The following PPP2R2A variants were observed in gnomAD, a reference collection of about 807,000 sequenced individuals.
The protein encoded by PPP2R2A is serine/threonine-protein phosphatase 2A 55 kDa regulatory subunit B alpha isoform.
In PPP2R2A, 9 loss-of-function variants were observed where a neutral mutation model predicts 53.2. The observed-to-expected ratio is 0.17, with a 90% CI of 0.10 to 0.30. The LOEUF (loss-of-function observed/expected upper bound fraction) is 0.30, where lower values mean the gene tolerates loss of function less well. PPP2R2A is among the 10% of genes least tolerant of loss of function. The pLI is 1.00. For synonymous variants in PPP2R2A, 169 were observed against 174.2 expected, an observed-to-expected ratio of 0.97 and a Z score of 0.23; for missense variants, 235 against 534.6, an observed-to-expected ratio of 0.44 and a Z score of 5.53.
intron 2 of PPP2R2A, among the ~76,000 whole-genome samples, chr8:26,336,358 G>C (rs542930731): frequency 6.6e-6 from 1 of 152,122 alleles, no homozygotes; most frequent in African/African-American, 2.4e-5. Flanking sequence ...GAACCCGGGA[G>C]GTCAAGGCTG....
In PPP2R2A at chr8:26,360,366, T is replaced by C; in HGVS notation, c.459+85T>C. Reference sequence around the variant, plus strand: ...ATCCTGAGCAGAGCTTGAATAGGAATAATTACAGTCTATCTCCCCTTTCCC... The same window carrying C: ...ATCCTGAGCAGAGCTTGAATAGGAACAATTACAGTCTATCTCCCCTTTCCC... On this transcript the variant is annotated intron_variant, in intron 5 of 9. Coordinates refer to ENST00000380737, the MANE Select transcript of PPP2R2A (RefSeq NM_002717.4). This position sits in a 1 kb window ranked among gnomAD's most constrained non-coding sequence, Gnocchi z 4.5. 1 of 725,864 alleles carries C rather than the reference T, an allele frequency of 1.4e-6. No homozygotes were observed. The highest frequency in any genetic ancestry group is 2.3e-6 in the Non-Finnish European group (1 of 437,340). 45.0% of individuals were successfully genotyped at this position (725,864 alleles called of 1,614,324 possible). A position where few individuals can be genotyped will look rare whatever the true frequency, so the allele number is the denominator to read the frequency against.
At chr8:26,324,121 G>A (rs1802974349) in intron 2 of PPP2R2A, among the ~76,000 whole-genome samples, 1 of 152,080 alleles carries the variant, frequency 6.6e-6, no homozygotes. Flanking sequence ...TTCTCATTAG[G>A]CCTGGCATTC....
intron 2 of PPP2R2A, 197 bp downstream of exon 2, chr8:26,293,937 AT>A (rs1169366219): frequency 1.8e-6 from 1 of 569,568 alleles, no homozygotes; most frequent in Non-Finnish European, 3.1e-6. Flanking sequence ...TGTTTTTATT[AT>A]TTTTTCCTCT....
chr8:26,358,689 T>C (rs572901504), intron 4 of PPP2R2A, among the ~76,000 whole-genome samples: 2 of 152,210 alleles, frequency 1.3e-5, no homozygotes, highest in Non-Finnish European at 2.9e-5. Context: ...TTACACCATT[T>C]TGCTTATGAA....
intron 3 of PPP2R2A, among the ~76,000 whole-genome samples, chr8:26,346,517 T>G (rs780342809): frequency 6.6e-6 from 1 of 152,236 alleles, no homozygotes; most frequent in Non-Finnish European, 1.5e-5. Flanking sequence ...CAGAGTTGTG[T>G]CTAGACTTCA....
intron 2 of PPP2R2A, among the ~76,000 whole-genome samples, chr8:26,312,584 C>G (rs973183509): frequency 6.6e-6 from 1 of 152,138 alleles, no homozygotes; most frequent in African/African-American, 2.4e-5. Context: ...AATAAAATAC[C>G]TCTTTGGGAG....
At chr8:26,346,680 A>C in intron 3 of PPP2R2A, among the ~76,000 whole-genome samples, 1 of 152,222 alleles carries the variant, frequency 6.6e-6, no homozygotes, top group East Asian at 1.9e-4. Context: ...ATAGCCTTTC[A>C]GAGTAAATAC....
At chr8:26,317,887 T>A (rs1450601846) in intron 2 of PPP2R2A, among the ~76,000 whole-genome samples, 1 of 152,346 alleles carries the variant, frequency 6.6e-6, no homozygotes, top group South Asian at 2.1e-4. Context: ...ATTGCTCTTG[T>A]GTGCACGGTC....
chr8:26,354,993 T>C lies in PPP2R2A; in HGVS notation c.346+360T>C, dbSNP rs1448751274. Among the ~76,000 whole-genome samples, 1 of 152,184 alleles carries C rather than the reference T, an allele frequency of 6.6e-6. No homozygotes were observed. The highest frequency in any genetic ancestry group is 1.5e-5 in the Non-Finnish European group (1 of 68,026). On this transcript the variant is annotated intron_variant, in intron 4 of 9. Coordinates refer to ENST00000380737, the MANE Select transcript of PPP2R2A (RefSeq NM_002717.4). The surrounding 1 kb of genome is among the most constrained non-coding windows in gnomAD (Gnocchi z 4.6). Reference sequence around the variant, plus strand: ...CAAACTAGAGATAGCAATTTTTTATTATAGTATTATTATGAATATTAAATA... The same window carrying C: ...CAAACTAGAGATAGCAATTTTTTATCATAGTATTATTATGAATATTAAATA...
At chr8:26,294,915 G>C (rs1483883247) in intron 2 of PPP2R2A, among the ~76,000 whole-genome samples, 1 of 152,140 alleles carries the variant, frequency 6.6e-6, no homozygotes, top group Non-Finnish European at 1.5e-5. Context: ...TGAGAAACCA[G>C]AAACAAAAGA....
intron 3 of PPP2R2A, among the ~76,000 whole-genome samples, chr8:26,343,375 ATTT>A (rs1301786557): frequency 7.1e-6 from 1 of 141,416 alleles, no homozygotes. Context: ...GACTTCTCAG[ATTT>A]TTTTTTTTTT....
intron 2 of PPP2R2A, among the ~76,000 whole-genome samples, chr8:26,305,736 C>T (rs1345830841): frequency 6.6e-6 from 1 of 152,110 alleles, no homozygotes; most frequent in South Asian, 2.1e-4. Flanking sequence ...TTCTCTAATG[C>T]CATGTAAAAA....
intron 9 of PPP2R2A, among the ~76,000 whole-genome samples, chr8:26,369,557 A>AT (rs910701731): frequency 3.3e-5 from 5 of 151,880 alleles, no homozygotes; most frequent in East Asian, 1.9e-4. Context: ...CGCCAGGCTA[A>AT]TTTTTTTTGT....
intron 2 of PPP2R2A, among the ~76,000 whole-genome samples, chr8:26,316,125 C>G (rs868420301): frequency 2.0e-5 from 3 of 152,124 alleles, no homozygotes; most frequent in African/African-American, 4.8e-5. Context: ...CTGCCTCAGC[C>G]TCCCGAGTAG....
Position 26,362,990 on chromosome 8 carries a change from TA to T in PPP2R2A, c.802+143del, listed in dbSNP as rs1232538282. The T allele has an allele frequency of 1.4e-6, 1 of 713,406 alleles. No individual in the cohort carries two copies. Among genetic ancestry groups the T allele is most frequent in the East Asian group, 2.8e-5 (1 of 36,302 alleles). The allele number at this position is 713,406 out of a possible 1,614,324, so 44.2% of individuals were successfully genotyped here. ...CCACTTGTACCCTTGGTAATCTGCC[TA>T]CCTCCTCATGAGGCATTCCAGGTTA... On this transcript the variant is annotated intron_variant, in intron 7 of 9. Transcript: ENST00000380737. This position sits in a 1 kb window ranked among gnomAD's most constrained non-coding sequence, Gnocchi z 4.4.
intron 2 of PPP2R2A, among the ~76,000 whole-genome samples, chr8:26,310,321 T>TA (rs1802227243): frequency 8.1e-6 from 1 of 123,812 alleles, no homozygotes; most frequent in South Asian, 2.9e-4. Flanking sequence ...TGAAGCACAA[T>TA]AAAAGTATGC....
rs573903889 is a variant in PPP2R2A at position 26,358,896 on chromosome 8, C to A, written c.347-1273C>A. ...TCCCTACAGGGAGTATAACTTATTT[C>A]TCCCTTTAAGTACAGGCTGGATTTA... On this transcript the variant is annotated intron_variant, in intron 4 of 9. Transcript: ENST00000380737. The A allele has an allele frequency of 6.6e-6, 3 of 455,820 alleles. No individual in the cohort carries two copies. The Admixed American group carries it at 7.0e-5, about 11-fold the overall frequency. 28.2% of individuals were successfully genotyped at this position (455,820 alleles called of 1,614,324 possible).
At chr8:26,340,448 G>C (rs984355802) in intron 3 of PPP2R2A, among the ~76,000 whole-genome samples, 1 of 151,880 alleles carries the variant, frequency 6.6e-6, no homozygotes, top group African/African-American at 2.4e-5. Context: ...ATTTTTTACT[G>C]AAAGTTATTG....
At chr8:26,355,612 C>T (rs983516764) in intron 4 of PPP2R2A, among the ~76,000 whole-genome samples, 3 of 152,030 alleles carry the variant, frequency 2.0e-5, no homozygotes, top group Admixed American at 1.3e-4. Flanking sequence ...CGCCTGTAAT[C>T]CCAGCACTTT....
Sources: allele counts gnomAD v4.1 joint callset (sites outside exome capture counted in the v4.1 genomes callset), GRCh38; gene constraint gnomAD v4.1.1; non-coding constraint Gnocchi (gnomAD v3.1); transcripts MANE v1.5; gene names NCBI Gene and HGNC (gene_info 2026-07-23, HGNC 2026-07-21).